GARIN5A: variants seen among roughly 807,000 people sequenced by gnomAD.
The protein encoded by GARIN5A is Golgi-associated RAB2 interactor protein 5A.
the GARIN5A span, among the ~76,000 whole-genome samples, chr19:50,468,510 C>T: frequency 6.6e-6 from 1 of 152,134 alleles, no homozygotes; most frequent in Admixed American, 6.6e-5. Context: ...TTAGCTACAT[C>T]CCCCTCTTGC....
chr19:50,472,307 A>T, the GARIN5A span, among the ~76,000 whole-genome samples: 3 of 150,084 alleles, frequency 2.0e-5, no homozygotes, highest in African/African-American at 7.3e-5. Flanking sequence ...ATGTATATAT[A>T]CATGTATGTG....
At chr19:50,472,134 ATATGTATGTATACGTGTGTATATG>A in the GARIN5A span, among the ~76,000 whole-genome samples, 5 of 137,142 alleles carry the variant, frequency 3.6e-5, no homozygotes, top group African/African-American at 1.5e-4. Flanking sequence ...ATACGTGTGT[ATATGTATGTATACGTGTGTATATG>A]TATGTATACG....
chr19:50,467,419 AGT>A, the GARIN5A span: 2 of 605,864 alleles, frequency 3.3e-6, no homozygotes, highest in Non-Finnish European at 5.7e-6. Flanking sequence ...CAGACCCAGG[AGT>A]CCAGGACCCC....
At chr19:50,473,931 G>A in the GARIN5A span, among the ~76,000 whole-genome samples, 2 of 152,006 alleles carry the variant, frequency 1.3e-5, no homozygotes, top group African/African-American at 4.8e-5. Context: ...AGGTTGCAGT[G>A]AGCCGAGGTT....
the GARIN5A span, among the ~76,000 whole-genome samples, chr19:50,474,307 G>A: frequency 6.7e-6 from 1 of 150,304 alleles, no homozygotes; most frequent in Non-Finnish European, 1.5e-5. Flanking sequence ...AGCCTCCCGA[G>A]TAGCTGGGAT....
the GARIN5A span, among the ~76,000 whole-genome samples, chr19:50,469,212 G>C: frequency 6.6e-6 from 1 of 152,086 alleles, no homozygotes; most frequent in Non-Finnish European, 1.5e-5. Flanking sequence ...AACACACCAG[G>C]CTCAGTCCGA....
the GARIN5A span, among the ~76,000 whole-genome samples, chr19:50,472,055 C>T: frequency 0.052 from 6,235 of 119,098 alleles, 558 homozygotes; most frequent in African/African-American, 0.2. Flanking sequence ...TGTATATATA[C>T]GTGTGTGTAT....
At chr19:50,474,275 G>A in the GARIN5A span, among the ~76,000 whole-genome samples, 1 of 151,168 alleles carries the variant, frequency 6.6e-6, no homozygotes, top group Non-Finnish European at 1.5e-5. Flanking sequence ...CACCTCTTGG[G>A]TTCAAGCAAT....
the GARIN5A span, chr19:50,475,294 A>C: frequency 2.6e-6 from 4 of 1,544,810 alleles, no homozygotes; most frequent in Admixed American, 1.8e-5. Context: ...CTGAGGGAGG[A>C]AGGGGTCTCG....
chr19:50,472,810 C>T, the GARIN5A span, among the ~76,000 whole-genome samples: 32 of 152,006 alleles, frequency 2.1e-4, no homozygotes, highest in East Asian at 5.8e-4. Context: ...GTGGGAGGAT[C>T]GCTTGCGCCT....
chr19:50,469,032 A>T, the GARIN5A span, among the ~76,000 whole-genome samples: 5 of 152,154 alleles, frequency 3.3e-5, no homozygotes, highest in African/African-American at 1.2e-4. Context: ...GGCGCAGGTC[A>T]ACACCTTGGG....
the GARIN5A span, among the ~76,000 whole-genome samples, chr19:50,469,229 C>A: frequency 1.3e-5 from 2 of 152,220 alleles, no homozygotes; most frequent in Non-Finnish European, 2.9e-5. Flanking sequence ...CCGACCCTAG[C>A]ACCTTTGCAC....
At chr19:50,475,560 G>T in the GARIN5A span, 1 of 1,133,904 alleles carries the variant, frequency 8.8e-7, no homozygotes, top group Non-Finnish European at 1.2e-6. Flanking sequence ...TGAACCAGGT[G>T]AGTTGAAAAT....
chr19:50,475,329 A>T, the GARIN5A span: 7 of 1,588,274 alleles, frequency 4.4e-6, no homozygotes, highest in Non-Finnish European at 6.0e-6. Flanking sequence ...AGTTACCCGA[A>T]GAGTTGCAGG....
At chr19:50,471,734 G>C in the GARIN5A span, among the ~76,000 whole-genome samples, 6 of 86,310 alleles carry the variant, frequency 7.0e-5, no homozygotes, top group African/African-American at 2.9e-4. Context: ...ACATGCACGT[G>C]TGTGTATACG....
At chr19:50,471,828 G>A in the GARIN5A span, among the ~76,000 whole-genome samples, 2 of 143,660 alleles carry the variant, frequency 1.4e-5, no homozygotes, top group Non-Finnish European at 2.9e-5. Context: ...GTGTGTATAC[G>A]CATACATATC....
chr19:50,471,865 T>TGC, the GARIN5A span, among the ~76,000 whole-genome samples: 2 of 151,896 alleles, frequency 1.3e-5, no homozygotes, highest in African/African-American at 2.4e-5. Context: ...CATACATGTG[T>TGC]ATATGTATGC....
At chr19:50,471,699 T>TACATGCACGTGTGTGTATACGCAC in the GARIN5A span, among the ~76,000 whole-genome samples, 1 of 147,094 alleles carries the variant, frequency 6.8e-6, no homozygotes, top group Non-Finnish European at 1.5e-5. Flanking sequence ...TGTATACGCA[T>TACATGCACGTGTGTGTATACGCAC]ACATGCACGT....
the GARIN5A span, among the ~76,000 whole-genome samples, chr19:50,471,157 G>A: frequency 5.3e-5 from 8 of 151,946 alleles, no homozygotes; most frequent in Non-Finnish European, 1.2e-4. Flanking sequence ...TAGAGATGGG[G>A]TCTCACTATG....
Sources: gnomAD v4.1 joint callset for allele counts (sites outside exome capture counted in the v4.1 genomes callset) on GRCh38, gnomAD v4.1.1 for gene constraint, MANE v1.5 for transcripts, NCBI Gene and HGNC (gene_info 2026-07-23, HGNC 2026-07-21) for gene names.